The following MAB21L3 variants were observed in gnomAD, a reference collection of about 807,000 sequenced individuals.
MAB21L3 encodes the protein protein mab-21-like 3.
In MAB21L3, 36 loss-of-function variants were observed where a neutral mutation model predicts 37.7. That is an observed-to-expected ratio of 0.96 (90% CI 0.73 to 1.26). The LOEUF is 1.26. Ranked by LOEUF, MAB21L3 falls within the 50% of genes most tolerant of loss-of-function variation. The pLI is 0.00. For missense variants in MAB21L3, 430 were observed against 447.3 expected (o/e 0.96, Z 0.35); for synonymous variants, 186 against 176.8 (o/e 1.05, Z -0.41).
rs531953839 is a variant in MAB21L3, at chr1:116,138,084, T to G, written c.*4719T>G. ...CACATGTATACATATGTAACTAACC[T>G]GCACATTGTGCACATGTACCCTAAA... On this transcript the variant is annotated 3_prime_UTR_variant, in exon 8 of 8. Coordinates refer to ENST00000369500, the MANE Select transcript of MAB21L3 (RefSeq NM_152367.3). Among the ~76,000 whole-genome samples, 179 of 151,498 alleles carry G rather than the reference T, an allele frequency of 1.2e-3. No homozygotes were observed. Among genetic ancestry groups the G allele is most frequent in the African/African-American group, 4.2e-3 (173 of 41,202 alleles).
intron 5 of MAB21L3, 142 bp downstream of exon 5, chr1:116,124,499 A>G (rs955417863): frequency 2.0e-5 from 16 of 788,748 alleles, no homozygotes; most frequent in Non-Finnish European, 3.1e-5. Context: ...TTTAATCTTC[A>G]TAATATGAAT....
chr1:116,120,614 C>A (rs932896619), intron 3 of MAB21L3, among the ~76,000 whole-genome samples: 4 of 151,816 alleles, frequency 2.6e-5, no homozygotes, highest in Admixed American at 2.0e-4. Flanking sequence ...AGCTAGAGGG[C>A]AAGTATCTAC....
chr1:116,132,648 T>G (rs1660101643), intron 7 of MAB21L3, among the ~76,000 whole-genome samples: 1 of 151,742 alleles, frequency 6.6e-6, no homozygotes, highest in African/African-American at 2.4e-5. Flanking sequence ...GAGGCAGATG[T>G]GGGGTTGGGG....
chr1:116,132,542 G>A (rs1660099269), intron 7 of MAB21L3, among the ~76,000 whole-genome samples: 1 of 152,162 alleles, frequency 6.6e-6, no homozygotes, highest in Non-Finnish European at 1.5e-5. Context: ...TATTGGAGCA[G>A]ACTGAGGCAA....
chr1:116,134,249 C>T lies in MAB21L3; in HGVS notation c.*884C>T, dbSNP rs1387084311. 6.6e-6 allele frequency: 1 copy of T among 152,172 alleles called. No individual in the cohort carries two copies. The highest frequency in any genetic ancestry group is 6.5e-5 in the Admixed American group (1 of 15,274). 9.4% of individuals were successfully genotyped at this position (152,172 alleles called of 1,614,324 possible). On this transcript the variant is annotated 3_prime_UTR_variant, in exon 8 of 8. Transcript: ENST00000369500. ...GAGTGACCTTAGGTGTCTGTCACTG[C>T]TCAGTGTGTTCCTTTGCTCACTTCA...
chr1:116,124,358 G>T lies in MAB21L3; in HGVS notation c.481+1G>T, dbSNP rs577146854. On this transcript the variant is annotated splice_donor_variant, in intron 5 of 7. Coordinates refer to ENST00000369500, the MANE Select transcript of MAB21L3 (RefSeq NM_152367.3). LOFTEE classifies it high-confidence loss of function. ...GCAGTTAGAACCTGTCACCTCTCAG[G>T]TGAGCTGATCAGGAACAAGTGCAAG... 75 of 1,610,792 alleles carry T rather than the reference G, an allele frequency of 4.7e-5. 1 individual carries two copies. The South Asian group carries it at 7.3e-4, about 16-fold the overall frequency.
intron 3 of MAB21L3, among the ~76,000 whole-genome samples, chr1:116,114,613 G>C (rs1570800818): frequency 6.6e-6 from 1 of 152,236 alleles, no homozygotes; most frequent in African/African-American, 2.4e-5. Context: ...GCTACGGTTT[G>C]AGGGTAGACC....
rs777800518 is a variant in MAB21L3, at chr1:116,133,143, T to C, written c.867T>C (p.Phe289=). The C allele has an allele frequency of 3.7e-6, 6 of 1,614,022 alleles. No homozygotes were observed. The South Asian group carries it at 4.4e-5, about 12-fold the overall frequency. The change falls in exon 8 of 8, where the codon TTT becomes TTC. Residue 289 remains phenylalanine, a synonymous_variant. Coordinates refer to ENST00000369500, the MANE Select transcript of MAB21L3 (RefSeq NM_152367.3). ...TCTCCCTTCCACAGACTGTGCTCTT[T>C]TGGACCTGCGAGAAATATCCCCACT... The part of the protein sequence containing the change: ...ITSHHLQTVL[F]WTCEKYPHFK...
At chr1:116,124,463 A>C in intron 5 of MAB21L3, 106 bp downstream of exon 5, 1 of 1,030,466 alleles carries the variant, frequency 9.7e-7, no homozygotes, top group Non-Finnish European at 1.4e-6. Context: ...ACATTTGAGA[A>C]AATAATCATG....
At chr1:116,124,793 G>A (rs974135435) in intron 5 of MAB21L3, among the ~76,000 whole-genome samples, 3 of 151,614 alleles carry the variant, frequency 2.0e-5, no homozygotes, top group Non-Finnish European at 4.4e-5. Context: ...TTGTACCAAA[G>A]CACAAAATCC....
chr1:116,125,192 G>A (rs1467184071), intron 5 of MAB21L3, among the ~76,000 whole-genome samples: 2 of 152,136 alleles, frequency 1.3e-5, no homozygotes, highest in South Asian at 2.1e-4. Context: ...GCTTAGTGTC[G>A]AGTGGGCATG....
chr1:116,115,825 A>G (rs578106642), intron 3 of MAB21L3, among the ~76,000 whole-genome samples: 152 of 152,332 alleles, frequency 1.0e-3, no homozygotes, highest in African/African-American at 3.4e-3. Flanking sequence ...GTGGTTAAGG[A>G]GGAGGAGGGG....
At chr1:116,119,901 T>C (rs766111419) in intron 3 of MAB21L3, among the ~76,000 whole-genome samples, 3 of 152,196 alleles carry the variant, frequency 2.0e-5, no homozygotes, top group Admixed American at 1.3e-4. Context: ...TGTGGTAACT[T>C]TCTGTCAGCA....
intron 3 of MAB21L3, among the ~76,000 whole-genome samples, chr1:116,113,927 T>C (rs1046074896): frequency 2.6e-5 from 4 of 152,100 alleles, no homozygotes; most frequent in Non-Finnish European, 4.4e-5. Flanking sequence ...TCCATTCCTG[T>C]AGGTGGTTGA....
At chr1:116,122,458 T>C (rs571501985) in intron 4 of MAB21L3, among the ~76,000 whole-genome samples, 1 of 152,392 alleles carries the variant, frequency 6.6e-6, no homozygotes, top group Admixed American at 6.5e-5. Context: ...CTTGCATTTA[T>C]ATATGTCATG....
In MAB21L3 at chr1:116,131,691, T is replaced by G. The variant is rs1660067970; in HGVS notation, c.856-1441T>G. 1.3e-5 allele frequency among the ~76,000 whole-genome samples: 2 copies of G among 152,092 alleles called. 1 individual carries two copies. Among genetic ancestry groups the G allele is most frequent in the Middle Eastern group, 6.3e-3 (2 of 316 alleles). ...CACCACGCCTGGCTAATTTTTTGTA[T>G]TTTTAGTAGAGATGGGGTTTCACCG... is the stretch of plus-strand genomic sequence containing the variant. On this transcript the variant is annotated intron_variant, in intron 7 of 7. Coordinates refer to ENST00000369500, the MANE Select transcript of MAB21L3 (RefSeq NM_152367.3).
At chr1:116,127,280 G>T (rs1659934711) in intron 5 of MAB21L3, among the ~76,000 whole-genome samples, 186 bp from the exon 6 acceptor site, 1 of 152,116 alleles carries the variant, frequency 6.6e-6, no homozygotes, top group Non-Finnish European at 1.5e-5. Context: ...CTAACCATCT[G>T]GTTTTGATGT....
chr1:116,128,338 A>C lies in MAB21L3; in HGVS notation c.854A>C (p.Gln285Pro). The change falls in exon 7 of 8, where the codon CAG becomes CCG. Residue 285 changes from glutamine (Q) to proline (P), a missense_variant and splice_region_variant. By Grantham distance (76) the Gln-to-Pro change is moderately conservative (BLOSUM62 -1). Coordinates refer to ENST00000369500, the MANE Select transcript of MAB21L3 (RefSeq NM_152367.3). ...CCGGTTATCACGTCCCACCATCTGCAGGTGAGTGTGGGGCAGGTTGGAGAA... is the reference window on the plus strand; with the variant it reads ...CCGGTTATCACGTCCCACCATCTGCCGGTGAGTGTGGGGCAGGTTGGAGAA... ...NRPVITSHHLQTVLFWTCEKY... is the reference protein window; with the variant it reads ...NRPVITSHHLPTVLFWTCEKY... 6.2e-7 allele frequency: 1 copy of C among 1,610,146 alleles called. No homozygotes were observed.
chr1:116,126,914 A>G (rs1283891043), intron 5 of MAB21L3, among the ~76,000 whole-genome samples: 1 of 152,186 alleles, frequency 6.6e-6, no homozygotes, highest in Non-Finnish European at 1.5e-5. Flanking sequence ...TCAACACTTT[A>G]TTATAAAATA....
Sources: gnomAD v4.1 joint callset for allele counts (sites outside exome capture counted in the v4.1 genomes callset) on GRCh38, gnomAD v4.1.1 for gene constraint, MANE v1.5 for transcripts, NCBI Gene and HGNC (gene_info 2026-07-23, HGNC 2026-07-21) for gene names.